Variants in CELF2 observed in about 807,000 individuals in gnomAD.
The protein encoded by CELF2 is CUG triplet repeat RNA-binding protein 2.
CELF2 carries 8 observed loss-of-function variants against 62.6 expected under a neutral mutation model. The ratio of observed to expected loss-of-function variants is 0.13; its 90% CI spans 0.07 to 0.23. The LOEUF is 0.23. Among genes scored for constraint, CELF2 ranks in the 10% least tolerant of loss-of-function variants. The probability of loss-of-function intolerance (pLI) is 1.00; values close to 1 mark genes in which losing one functional copy is unlikely to be tolerated. For missense variants in CELF2, 333 were observed against 671.0 expected, an observed-to-expected ratio of 0.50 and a Z score of 5.56; for synonymous variants, 258 against 250.0, an observed-to-expected ratio of 1.03 and a Z score of -0.30.
chr10:11,250,438 G>GT (rs1483891702), intron 4 of CELF2, among the ~76,000 whole-genome samples: 1 of 152,158 alleles, frequency 6.6e-6, no homozygotes. Context: ...GGGTTAATTC[G>GT]TTTTTTTCTC....
rs1196447802 is a variant in CELF2, at chr10:11,285,865, GTGTGTGTGTGTGTT to G, written c.842-2551_842-2538del. Among the ~76,000 whole-genome samples, 1,544 of 135,768 alleles carry G rather than the reference GTGTGTGTGTGTGTT, an allele frequency of 0.011. 41 individuals are homozygous for G. Among genetic ancestry groups the G allele is most frequent in the African/African-American group, 0.038 (1,175 of 30,662 alleles). The allele number at this position is 135,768 out of a possible 152,430, so 89.1% of individuals were successfully genotyped here. On this transcript the variant is annotated intron_variant, in intron 8 of 12. Transcript: ENST00000633077. The surrounding 1 kb of genome is among the most constrained non-coding windows in gnomAD (Gnocchi z 4.3). ...TGTGTGTGTGTGTGTGTGTGTGTGT[GTGTGTGTGTGTGTT>G]TTTACATGGACTTGAAAATGAGTAA...
intron 1 of CELF2, among the ~76,000 whole-genome samples, chr10:10,829,063 T>C (rs938195083): frequency 3.3e-5 from 5 of 152,242 alleles, no homozygotes; most frequent in Non-Finnish European, 7.3e-5. Flanking sequence ...TTATAAGTTA[T>C]ATTACACAGA....
rs1409627817 is a variant in CELF2 at position 11,302,418 on chromosome 10, A to G, written c.977-11721A>G. Among the ~76,000 whole-genome samples, 1 of 152,220 alleles carries G rather than the reference A, an allele frequency of 6.6e-6. No homozygotes were observed. Among genetic ancestry groups the G allele is most frequent in the East Asian group, 1.9e-4 (1 of 5,188 alleles). On this transcript the variant is annotated intron_variant, in intron 9 of 12. Coordinates refer to ENST00000633077, the MANE Select transcript of CELF2 (RefSeq NM_001326342.2). This position sits in a 1 kb window ranked among gnomAD's most constrained non-coding sequence, Gnocchi z 5.0. ...ACTCAGCGGGAGTGAGGGGAGCCCC[A>G]GGTGGTGCCGATGCGGGCGAGGCTG...
At chr10:10,529,757 G>A in the CELF2 span, among the ~76,000 whole-genome samples, 1 of 150,240 alleles carries the variant, frequency 6.7e-6, no homozygotes, top group African/African-American at 2.4e-5. Context: ...TATTTGCTAA[G>A]GGAAAATGAA....
rs372729191 is a variant in CELF2, at chr10:11,278,496, C to G, written c.841+3376C>G. ...TTGGGGTCTGAGTTTGGGCTGAGAG[C>G]TGGGATTTTTCTTGAAAGAGAAAGG... On this transcript the variant is annotated intron_variant, in intron 8 of 12. Transcript: ENST00000633077. 4.6e-5 allele frequency among the ~76,000 whole-genome samples: 7 copies of G among 152,264 alleles called. No homozygotes were observed. The East Asian group carries it at 1.2e-3, about 25-fold the overall frequency.
chr10:11,205,093 G>A (rs1033154499), intron 2 of CELF2, among the ~76,000 whole-genome samples: 1 of 152,182 alleles, frequency 6.6e-6, no homozygotes, highest in African/African-American at 2.4e-5. Flanking sequence ...ACTATTTAGA[G>A]GTCACGTAAA....
chr10:11,119,869 C>CCCCCCCCG (rs758205844), intron 1 of CELF2, among the ~76,000 whole-genome samples: 2 of 132,952 alleles, frequency 1.5e-5, no homozygotes, highest in Non-Finnish European at 3.4e-5. Flanking sequence ...CCGCCTCCCC[C>CCCCCCCCG]CCCCCGGCCC....
chr10:10,539,248 T>C, the CELF2 span, among the ~76,000 whole-genome samples: 929 of 152,378 alleles, frequency 6.1e-3, 5 homozygotes, highest in Non-Finnish European at 8.9e-3. Flanking sequence ...ACATATTCTA[T>C]GGGCTTTCAG....
the CELF2 span, among the ~76,000 whole-genome samples, chr10:10,777,927 A>G: frequency 1.3e-4 from 20 of 152,242 alleles, no homozygotes; most frequent in South Asian, 2.1e-3. Context: ...CCTCTACAGC[A>G]GTTCTTCAGC....
the CELF2 span, among the ~76,000 whole-genome samples, chr10:10,725,923 T>G: frequency 6.6e-6 from 1 of 152,084 alleles, no homozygotes; most frequent in Non-Finnish European, 1.5e-5. Context: ...TTCCAAAACA[T>G]TTAACAGAAT....
chr10:10,678,751 G>A, the CELF2 span, among the ~76,000 whole-genome samples: 3 of 152,206 alleles, frequency 2.0e-5, no homozygotes, highest in Non-Finnish European at 4.4e-5. Flanking sequence ...TGATTAAATA[G>A]GGGGTGAGAT....
intron 1 of CELF2, among the ~76,000 whole-genome samples, chr10:11,070,415 T>C (rs911602563): frequency 6.6e-6 from 1 of 152,166 alleles, no homozygotes; most frequent in Non-Finnish European, 1.5e-5. Context: ...GGAAGCCATC[T>C]AAGGGAATTA....
the CELF2 span, among the ~76,000 whole-genome samples, chr10:10,670,509 G>T: frequency 6.6e-6 from 1 of 152,076 alleles, no homozygotes; most frequent in Non-Finnish European, 1.5e-5. Context: ...CCTGCCCCCT[G>T]CCCCCACATT....
At chr10:10,671,165 CAA>C in the CELF2 span, among the ~76,000 whole-genome samples, 941 of 62,752 alleles carry the variant, frequency 0.015, 3 homozygotes, top group African/African-American at 0.024. Flanking sequence ...GATCCTGTCT[CAA>C]AAAAAAAAAA....
At chr10:10,563,471 A>G in the CELF2 span, among the ~76,000 whole-genome samples, 1 of 152,004 alleles carries the variant, frequency 6.6e-6, no homozygotes, top group South Asian at 2.1e-4. Flanking sequence ...TTGGCCAGGC[A>G]TGGTGGTGTG....
At chr10:10,535,735 C>CA in the CELF2 span, among the ~76,000 whole-genome samples, 1 of 151,864 alleles carries the variant, frequency 6.6e-6, no homozygotes, top group Non-Finnish European at 1.5e-5. Context: ...AACAAACAAA[C>CA]AAAAACAAAA....
At chr10:10,538,456 T>G in the CELF2 span, among the ~76,000 whole-genome samples, 5 of 152,088 alleles carry the variant, frequency 3.3e-5, no homozygotes, top group East Asian at 3.9e-4. Context: ...TCTTTGCCAC[T>G]CCCTATGCTT....
intron 2 of CELF2, among the ~76,000 whole-genome samples, chr10:10,960,925 T>C (rs1288830641): frequency 6.6e-6 from 1 of 152,202 alleles, no homozygotes; most frequent in Non-Finnish European, 1.5e-5. Flanking sequence ...GCTTCTCTGC[T>C]CCTAAATTTC....
intron 2 of CELF2, among the ~76,000 whole-genome samples, chr10:11,198,934 A>T (rs187385046): frequency 1.1e-4 from 16 of 152,348 alleles, no homozygotes; most frequent in African/African-American, 3.6e-4. Context: ...TCAAACTGTA[A>T]GTAGAACATG....
Sources: gnomAD v4.1 joint callset for allele counts (sites outside exome capture counted in the v4.1 genomes callset) on GRCh38, gnomAD v4.1.1 for gene constraint, Gnocchi (gnomAD v3.1) non-coding constraint, MANE v1.5 for transcripts, NCBI Gene and HGNC (gene_info 2026-07-23, HGNC 2026-07-21) for gene names.